NLRC5: variants seen among roughly 807,000 people sequenced by gnomAD.
NLRC5 encodes the protein NLR family CARD domain containing 5, also known as protein NLRC5.
Under a neutral mutation model 206.9 loss-of-function variants are expected in NLRC5, and 114 were observed. That is an observed-to-expected ratio of 0.55 (90% CI 0.47 to 0.64). The LOEUF is 0.64. Ranked by LOEUF, NLRC5 falls within the 30% of genes least tolerant of loss-of-function variation. The pLI is 0.00. For synonymous variants in NLRC5, 952 were observed against 962.8 expected (o/e 0.99, Z 0.21); for missense variants, 2,008 against 2,305.5 (o/e 0.87, Z 2.64).
intron 38 of NLRC5, 179 bp from the exon 39 acceptor site, chr16:57,074,421 G>A: frequency 1.6e-6 from 1 of 609,998 alleles, no homozygotes; most frequent in East Asian, 2.8e-5. Flanking sequence ...AGTAATTCAT[G>A]CAGAGAAACA....
intron 1 of NLRC5, among the ~76,000 whole-genome samples, chr16:57,016,185 A>G (rs558069567): frequency 3.5e-4 from 54 of 152,332 alleles, no homozygotes; most frequent in African/African-American, 1.3e-3. Context: ...ATTGCACTCC[A>G]GCCTGGGCAA....
At chr16:57,056,815 T>C (rs531942293) in intron 27 of NLRC5, among the ~76,000 whole-genome samples, 23 of 152,112 alleles carry the variant, frequency 1.5e-4, no homozygotes, top group East Asian at 5.9e-4. Flanking sequence ...TGAGCCACCA[T>C]GCCTGGCTAA....
intron 30 of NLRC5, among the ~76,000 whole-genome samples, chr16:57,061,006 G>C (rs997164008): frequency 1.3e-5 from 2 of 152,236 alleles, no homozygotes; most frequent in Non-Finnish European, 2.9e-5. Flanking sequence ...GGGAGAGTAA[G>C]GCAGTGGTTA....
Position 57,058,166 on chromosome 16 carries a change from T to C in NLRC5, c.3830+18T>C, listed in dbSNP as rs202222082. On this transcript the variant is annotated intron_variant, in intron 28 of 48. Transcript: ENST00000688547. ...TTGCTTGAGTAAGTGGAAAGCAGCA[T>C]AAAGGACAGATAGCAAGGAGGAAGG... The C allele has an allele frequency of 1.9e-6, 3 of 1,595,880 alleles. No homozygotes were observed. The Admixed American group carries it at 5.1e-5, about 27-fold the overall frequency.
chr16:57,005,766 A>G (rs1225899754), intron 1 of NLRC5, among the ~76,000 whole-genome samples: 1 of 151,900 alleles, frequency 6.6e-6, no homozygotes, highest in Admixed American at 6.6e-5. Context: ...AAAAAACACA[A>G]AAAATTAGCT....
At chr16:57,000,450 G>A (rs573531518) in intron 1 of NLRC5, among the ~76,000 whole-genome samples, 6 of 152,132 alleles carry the variant, frequency 3.9e-5, no homozygotes, top group Admixed American at 6.5e-5. Flanking sequence ...GTTGGACTGG[G>A]GACAGGGACC....
intron 1 of NLRC5, among the ~76,000 whole-genome samples, chr16:56,991,613 C>T (rs1380513485): frequency 1.3e-5 from 2 of 151,466 alleles, no homozygotes; most frequent in Admixed American, 6.6e-5. Flanking sequence ...AACTCCCAAC[C>T]TCAGATGATC....
At chr16:57,008,566 T>C (rs551929084) in intron 1 of NLRC5, among the ~76,000 whole-genome samples, 53 of 152,292 alleles carry the variant, frequency 3.5e-4, no homozygotes, top group Admixed American at 1.1e-3. Context: ...AAAGCAGAAA[T>C]TGCACAGGAC....
Position 57,029,778 on chromosome 16 carries a change from G to A in NLRC5, c.2249G>A (p.Arg750Gln), listed in dbSNP as rs201236393. 34 of 1,614,024 alleles carry A rather than the reference G, an allele frequency of 2.1e-5. No homozygotes were observed. Among genetic ancestry groups the A allele is most frequent in the Middle Eastern group, 1.6e-4 (1 of 6,062 alleles). The change falls in exon 9 of 49, where the codon CGG becomes CAG. Residue 750 changes from arginine to glutamine, a missense_variant. Transcript: ENST00000688547. ...GGGCCTTGGTCTCCTCGCAGTTTTC[G>A]GGACAACCAGCTCAGTGACCAGGTG... Reference protein sequence around the residue: ...LCPQLKEVSFRDNQLSDQVVL... With the variant: ...LCPQLKEVSFQDNQLSDQVVL...
intron 1 of NLRC5, among the ~76,000 whole-genome samples, chr16:57,014,995 C>A (rs1253261212): frequency 6.6e-6 from 1 of 151,318 alleles, no homozygotes; most frequent in Non-Finnish European, 1.5e-5. Flanking sequence ...GTGGCATGAT[C>A]TTGGCTCAAT....
In NLRC5 at chr16:57,033,723, C is replaced by G; in HGVS notation, c.2543+54C>G. ...AGAGGGATATGATATGGGGGAAAGT[C>G]CGAGGCAAGGGAGAGCAGGGGCAGG... is the stretch of plus-strand genomic sequence containing the variant. On this transcript the variant is annotated intron_variant, in intron 12 of 48. Coordinates refer to ENST00000688547, the MANE Select transcript of NLRC5 (RefSeq NM_001384950.1). 3 of 1,541,446 alleles carry G rather than the reference C, an allele frequency of 1.9e-6. No individual in the cohort carries two copies. The South Asian group carries it at 3.3e-5, about 17-fold the overall frequency.
chr16:56,999,531 G>T (rs747486853), intron 1 of NLRC5, among the ~76,000 whole-genome samples: 3 of 152,238 alleles, frequency 2.0e-5, no homozygotes, highest in Admixed American at 6.5e-5. Context: ...TTCCTGCCAG[G>T]CCCCATGGCA....
intron 1 of NLRC5, among the ~76,000 whole-genome samples, chr16:57,008,030 A>C (rs746633220): frequency 2.0e-5 from 3 of 151,722 alleles, no homozygotes; most frequent in Admixed American, 6.6e-5. Flanking sequence ...TTCTTTTTTC[A>C]TGATTTCTGA....
At chr16:56,998,926 T>C (rs751498481) in intron 1 of NLRC5, among the ~76,000 whole-genome samples, 4 of 152,366 alleles carry the variant, frequency 2.6e-5, no homozygotes, top group South Asian at 2.1e-4. Flanking sequence ...TCTTAGCCCA[T>C]TGGGGCTGCT....
rs755469312 is a variant in NLRC5, at chr16:57,026,535, A to G, written c.1592A>G (p.Lys531Arg). The G allele has an allele frequency of 1.1e-5, 18 of 1,614,084 alleles. No homozygotes were observed. In the African/African-American group the frequency reaches 2.4e-4, roughly 22 times the overall value. Residue 531 changes from lysine to arginine, a missense_variant, in exon 6 of 49, where the codon AAG (lysine) becomes AGG (arginine). Lys to Arg is a conservative substitution (Grantham distance 26). Transcript: ENST00000688547. ...LAALHLMASP[K>R]VNKDTLTQYV... ...GCCCTGCACCTGATGGCCAGCCCCA[A>G]GGTGAACAAAGACACACTTACCCAG...
intron 23 of NLRC5, 189 bp downstream of exon 23, chr16:57,047,817 G>A (rs749437831): frequency 4.3e-5 from 26 of 609,708 alleles, no homozygotes; most frequent in Non-Finnish European, 6.2e-5. Flanking sequence ...CTTAGGCAGC[G>A]CATGTCTCCC....
chr16:57,075,005 CTTTTTTTTTTTTTTTTTTTTTTTTTT>C (rs77796033), intron 39 of NLRC5, among the ~76,000 whole-genome samples: 7 of 58,104 alleles, frequency 1.2e-4, no homozygotes, highest in South Asian at 6.2e-4. Context: ...CTAGACTGTG[CTTTTTTTTTTTTTTTTTTTTTTTTTT>C]TTTTTTTTTT....
intron 47 of NLRC5, 165 bp from the exon 48 acceptor site, chr16:57,081,362 T>C (rs154043): frequency 0.76 from 663,790 of 871,778 alleles, 253,895 homozygotes; most frequent in East Asian, 0.88. Context: ...TCAGCCTTCC[T>C]GCTGCACCTG....
intron 20 of NLRC5, among the ~76,000 whole-genome samples, chr16:57,044,556 G>C (rs771469465): frequency 9.2e-5 from 14 of 151,986 alleles, no homozygotes; most frequent in Non-Finnish European, 1.5e-4. Flanking sequence ...TAACTGCTGC[G>C]AGCTCAGAGC....
Sources: allele counts gnomAD v4.1 joint callset (sites outside exome capture counted in the v4.1 genomes callset), GRCh38; gene constraint gnomAD v4.1.1; transcripts MANE v1.5; gene names NCBI Gene and HGNC (gene_info 2026-07-23, HGNC 2026-07-21).